Variants in PDE11A observed in about 807,000 individuals in gnomAD.
PDE11A encodes the protein dual 3',5'-cyclic-AMP and -GMP phosphodiesterase 11A.
In PDE11A, 100 loss-of-function variants were observed where a neutral mutation model predicts 100.5. The ratio of observed to expected loss-of-function variants is 1.00; its 90% CI spans 0.85 to 1.18. The LOEUF (loss-of-function observed/expected upper bound fraction) is 1.18. Among genes scored for constraint, PDE11A ranks in the 50% most tolerant of loss-of-function variants. The probability of loss-of-function intolerance (pLI) is 0.00; values close to 1 mark genes in which losing one functional copy is unlikely to be tolerated. For missense variants in PDE11A, 1,141 were observed against 1,152.6 expected, an observed-to-expected ratio of 0.99 and a Z score of 0.15; for synonymous variants, 381 against 420.8, an observed-to-expected ratio of 0.91 and a Z score of 1.16.
chr2:177,825,486 G>A (rs923605249), intron 6 of PDE11A, among the ~76,000 whole-genome samples: 8 of 152,096 alleles, frequency 5.3e-5, no homozygotes, highest in African/African-American at 1.4e-4. Context: ...GCCTATTTGC[G>A]GCAGCAGCTA....
intron 18 of PDE11A, 119 bp from the exon 19 acceptor site, chr2:177,664,068 AC>A: frequency 2.9e-6 from 2 of 696,142 alleles, no homozygotes; most frequent in South Asian, 3.1e-5. Context: ...TTCGCAAATC[AC>A]AATCAATCTT....
intron 2 of PDE11A, among the ~76,000 whole-genome samples, chr2:177,933,507 C>A (rs989779024): frequency 7.9e-5 from 12 of 151,916 alleles, no homozygotes; most frequent in African/African-American, 2.9e-4. Flanking sequence ...ATGGTGAAAC[C>A]CCATCTCTAC....
intron 19 of PDE11A, among the ~76,000 whole-genome samples, chr2:177,662,058 T>C (rs1574018795): frequency 6.6e-6 from 1 of 152,218 alleles, no homozygotes; most frequent in Admixed American, 6.5e-5. Flanking sequence ...CGATATATAA[T>C]GTGAAGGGAT....
At chr2:177,939,531 G>GGAAT (rs2085321276) in intron 2 of PDE11A, among the ~76,000 whole-genome samples, 1 of 51,384 alleles carries the variant, frequency 1.9e-5, no homozygotes. Context: ...GAGGGAGGGA[G>GGAAT]GAAGGAAGGA....
intron 2 of PDE11A, among the ~76,000 whole-genome samples, chr2:178,089,975 T>C (rs1451785731): frequency 6.6e-6 from 1 of 152,164 alleles, no homozygotes; most frequent in Admixed American, 6.5e-5. Context: ...GGAAGAGCTG[T>C]TGTCCCACCA....
chr2:177,931,529 A>T (rs1234119879), intron 2 of PDE11A, among the ~76,000 whole-genome samples: 2 of 152,210 alleles, frequency 1.3e-5, no homozygotes, highest in African/African-American at 4.8e-5. Flanking sequence ...TGGAAATTAA[A>T]CAACTTGCTC....
intron 15 of PDE11A, among the ~76,000 whole-genome samples, chr2:177,694,866 A>G (rs1199544903): frequency 6.6e-6 from 1 of 151,878 alleles, no homozygotes; most frequent in African/African-American, 2.4e-5. Context: ...CTTCTTTTTC[A>G]TAGTTGCTCC....
At chr2:178,045,546 A>C (rs772800827) in intron 1 of PDE11A, among the ~76,000 whole-genome samples, 10 of 152,350 alleles carry the variant, frequency 6.6e-5, no homozygotes, top group Non-Finnish European at 1.0e-4. Flanking sequence ...TAAGAGTACA[A>C]ACTGTGGCTC....
At chr2:177,718,787 G>T (rs73028333) in intron 12 of PDE11A, among the ~76,000 whole-genome samples, 1 of 152,058 alleles carries the variant, frequency 6.6e-6, no homozygotes, top group Non-Finnish European at 1.5e-5. Flanking sequence ...ATTTATACAC[G>T]TGTATGTATA....
chr2:177,929,979 A>G (rs1559011474), intron 2 of PDE11A, among the ~76,000 whole-genome samples: 1 of 152,258 alleles, frequency 6.6e-6, no homozygotes, highest in Non-Finnish European at 1.5e-5. Context: ...AGTAACGGCA[A>G]TGAATCACCA....
At chr2:178,019,195 G>A (rs1425120405) in intron 1 of PDE11A, among the ~76,000 whole-genome samples, 1 of 152,098 alleles carries the variant, frequency 6.6e-6, no homozygotes, top group African/African-American at 2.4e-5. Flanking sequence ...CCATGTCCTT[G>A]GGAAACATTA....
chr2:177,775,900 A>T (rs1032953221), intron 9 of PDE11A, among the ~76,000 whole-genome samples: 3 of 152,094 alleles, frequency 2.0e-5, no homozygotes, highest in Non-Finnish European at 4.4e-5. Flanking sequence ...CCCCTACTAG[A>T]CTGTAAGCAC....
At chr2:177,788,595 C>T (rs2082577219) in intron 9 of PDE11A, among the ~76,000 whole-genome samples, 1 of 151,530 alleles carries the variant, frequency 6.6e-6, no homozygotes, top group Non-Finnish European at 1.5e-5. Context: ...TTAATGAATC[C>T]AGGAGCTGGT....
chr2:178,085,134 G>T (rs770238474), intron 2 of PDE11A, among the ~76,000 whole-genome samples: 1 of 152,146 alleles, frequency 6.6e-6, no homozygotes, highest in Non-Finnish European at 1.5e-5. Context: ...GTTGTTGCAG[G>T]TCCCTGAGAT....
Position 177,629,781 on chromosome 2 carries a change from A to T in PDE11A, c.2647-219T>A, listed in dbSNP as rs142953504. Among the ~76,000 whole-genome samples, 460 of 152,328 alleles carry T rather than the reference A, an allele frequency of 3.0e-3. 4 individuals carry two copies. Among genetic ancestry groups the T allele is most frequent in the African/African-American group, 0.011 (438 of 41,574 alleles). On this transcript the variant is annotated intron_variant, in intron 19 of 19. Coordinates refer to ENST00000286063, the MANE Select transcript of PDE11A (RefSeq NM_016953.4). ...TACTTAGAGAATGAAAAAATAAGAC[A>T]TCACCAGCATAGCTGTGTACAACTC...
chr2:178,058,397 T>TAGTGAA (rs1423648448), intron 1 of PDE11A, among the ~76,000 whole-genome samples: 1 of 152,190 alleles, frequency 6.6e-6, no homozygotes, highest in Non-Finnish European at 1.5e-5. Context: ...GTTCTCATGA[T>TAGTGAA]AGTGAATGAG....
At chr2:177,668,387 T>C (rs1000615641) in intron 18 of PDE11A, among the ~76,000 whole-genome samples, 2 of 152,228 alleles carry the variant, frequency 1.3e-5, no homozygotes, top group African/African-American at 4.8e-5. Context: ...ATTAACTGTA[T>C]GTATCCCAAG....
chr2:177,892,694 C>CA (rs1437552303), intron 4 of PDE11A, among the ~76,000 whole-genome samples: 9 of 152,202 alleles, frequency 5.9e-5, no homozygotes, highest in Admixed American at 2.0e-4. Flanking sequence ...GTCACCTGCT[C>CA]ACCCAGACTG....
intron 2 of PDE11A, among the ~76,000 whole-genome samples, chr2:178,010,257 G>A (rs1393765278): frequency 6.6e-6 from 1 of 152,210 alleles, no homozygotes; most frequent in Non-Finnish European, 1.5e-5. Flanking sequence ...TAACACTCAC[G>A]ACATGGCTTC....
Sources: allele counts gnomAD v4.1 joint callset (sites outside exome capture counted in the v4.1 genomes callset), GRCh38; gene constraint gnomAD v4.1.1; transcripts MANE v1.5; gene names NCBI Gene and HGNC (gene_info 2026-07-23, HGNC 2026-07-21).